PRRT4: variants seen among roughly 807,000 people sequenced by gnomAD.
PRRT4 encodes the protein proline rich transmembrane protein 4, also known as proline-rich transmembrane protein 4.
Under a neutral mutation model 55.6 loss-of-function variants are expected in PRRT4, and 59 were observed. That is an observed-to-expected ratio of 1.06 (90% CI 0.86 to 1.32). PRRT4 has a LOEUF of 1.32. PRRT4 is among the 40% of genes most tolerant of loss of function. The pLI, the probability that PRRT4 is intolerant of heterozygous loss-of-function variation, is 0.00. For missense variants in PRRT4, 1,217 were observed against 1,222.0 expected, an observed-to-expected ratio of 1.00 and a Z score of 0.06; for synonymous variants, 606 against 601.8, an observed-to-expected ratio of 1.01 and a Z score of -0.10.
At chr7:128,351,053 T>C (rs1796947943) in exon 5 of PRRT4, 1 of 1,549,080 alleles carries the variant, frequency 6.5e-7, no homozygotes, top group East Asian at 2.4e-5. Context: ...CGCGGGGGAC[T>C]GAGGACGCAG....
intron 4 of PRRT4, among the ~76,000 whole-genome samples, chr7:128,356,662 T>C (rs1316450055): frequency 1.3e-5 from 2 of 152,214 alleles, no homozygotes; most frequent in Non-Finnish European, 2.9e-5. Flanking sequence ...GAGATATCAA[T>C]GTGAATAACT....
intron 4 of PRRT4, among the ~76,000 whole-genome samples, chr7:128,357,289 T>C (rs1367163620): frequency 6.7e-6 from 1 of 149,706 alleles, no homozygotes; most frequent in East Asian, 2.0e-4. Flanking sequence ...GCAAGGCCCA[T>C]TGGCGTTCTC....
At chr7:128,359,015 T>C (rs1584687465) in intron 3 of PRRT4, 134 bp downstream of exon 4, 4 of 1,178,710 alleles carry the variant, frequency 3.4e-6, no homozygotes, top group East Asian at 5.1e-5. Context: ...TCCGTGGAAG[T>C]AGTAGCCCAT....
At position 128,358,562 on chromosome 7, in the gene PRRT4, AATG is replaced by A. The variant is rs1352553169; in HGVS notation, c.877+116_877+118del. 1.1e-6 allele frequency: 1 copy of A among 890,170 alleles called. No individual in the cohort carries two copies. Among genetic ancestry groups the A allele is most frequent in the Non-Finnish European group, 1.7e-6 (1 of 572,122 alleles). 55.1% of individuals were successfully genotyped at this position (890,170 alleles called of 1,614,324 possible). A position where few individuals can be genotyped will look rare whatever the true frequency, so the allele number is the denominator to read the frequency against. On this transcript the variant is annotated intron_variant, in intron 4 of 4. Coordinates refer to ENST00000535159, the Ensembl canonical transcript of PRRT4. The surrounding 1 kb of genome is among the most constrained non-coding windows in gnomAD (Gnocchi z 4.4). ...ATATCTCCACGGTGATGATGAAGAG[AATG>A]ATGATTATGATTATGATGACAATGA...
chr7:128,351,093 G>C, exon 5 of PRRT4: 1 of 1,548,746 alleles, frequency 6.5e-7, no homozygotes, highest in Non-Finnish European at 8.7e-7. Flanking sequence ...GCCTGTCGGG[G>C]CTGGAACACA....
Position 128,358,772 on chromosome 7 carries a change from G to T in PRRT4, c.786C>A (p.Pro262=), listed in dbSNP as rs556921658. Residue 262 remains proline, a synonymous_variant, in exon 4 of 5, where the codon CCC becomes CCA. Coordinates refer to ENST00000535159, the Ensembl canonical transcript of PRRT4. The surrounding 1 kb of genome is among the most constrained non-coding windows in gnomAD (Gnocchi z 4.4). ...AGAGCTTCCTCTCCAGGGAGTATGG[G>T]GGCAGGGACAGAGTGGTACCAAGGA... 38 of 1,550,594 alleles carry T rather than the reference G, an allele frequency of 2.5e-5. No individual in the cohort carries two copies. The highest frequency in any genetic ancestry group is 3.3e-5 in the Non-Finnish European group (38 of 1,146,542).
rs752531502 is a variant in PRRT4, at chr7:128,351,980, C to CCCG, written c.1573_1575dup (p.Arg525dup). On this transcript the variant is annotated inframe_insertion, in exon 5 of 5. Coordinates refer to ENST00000535159, the Ensembl canonical transcript of PRRT4. ...CCCGACCCTCCCAGGGGCGCCCCGG[C>CCCG]CCGCCGCCGCCGCCCGCCCCAGCAG... The CCCG allele has an allele frequency of 8.2e-5, 106 of 1,298,440 alleles. No individual in the cohort carries two copies. In the South Asian group the frequency reaches 1.0e-3, roughly 12 times the overall value. The allele number at this position is 1,298,440 out of a possible 1,614,324, so 80.4% of individuals were successfully genotyped here.
At chr7:128,350,851 C>T, downstream of PRRT4, 2 of 1,550,394 alleles carry the variant, frequency 1.3e-6, no homozygotes, top group Non-Finnish European at 1.7e-6. Context: ...AAGGTGGCCA[C>T]CTCTTCACAG....
chr7:128,354,573 AC>A (rs1478373297), intron 4 of PRRT4, among the ~76,000 whole-genome samples: 1 of 127,836 alleles, frequency 7.8e-6, no homozygotes, highest in Non-Finnish European at 1.6e-5. Context: ...CAAAAAAAAC[AC>A]ACACACACAC....
chr7:128,351,630 CG>C lies in PRRT4; in HGVS notation c.1925del (p.Pro642ArgfsTer249). On this transcript the variant is annotated frameshift_variant, in exon 5 of 5. Transcript: ENST00000535159. LOFTEE classifies it high-confidence loss of function. ...CCGGCAGCAGCGGAGCCGCGTGGCC[CG>C]GGGACAAGCGGAAGAGCTTGGCCCA... 1 of 1,513,890 alleles carries C rather than the reference CG, an allele frequency of 6.6e-7. No individual in the cohort carries two copies. 93.8% of individuals were successfully genotyped at this position (1,513,890 alleles called of 1,614,324 possible). A position where few individuals can be genotyped will look rare whatever the true frequency, so the allele number is the denominator to read the frequency against.
exon 5 of PRRT4, chr7:128,352,548 A>C (rs888354562): frequency 1.3e-6 from 2 of 1,544,366 alleles, no homozygotes; most frequent in Non-Finnish European, 1.7e-6. Context: ...GCGCCTCGGG[A>C]GGCTGCCCCT....
exon 2 of PRRT4, chr7:128,359,621 G>A (rs752145973): frequency 2.6e-6 from 4 of 1,534,316 alleles, no homozygotes; most frequent in South Asian, 1.2e-5. Flanking sequence ...CAGGGAGGAG[G>A]CCCGGGGCTT....
exon 5 of PRRT4, chr7:128,351,708 C>A: frequency 1.3e-6 from 2 of 1,491,714 alleles, no homozygotes; most frequent in Admixed American, 2.2e-5. Context: ...GGCCCAGCAG[C>A]GCCAACGGGA....
chr7:128,360,027 G>A, exon 2 of PRRT4: 1 of 1,301,200 alleles, frequency 7.7e-7, no homozygotes, highest in Non-Finnish European at 9.8e-7. Context: ...TGGTGGGCAG[G>A]GACTCAGTTG....
At chr7:128,361,890 C>A (rs893994233), upstream of PRRT4, among the ~76,000 whole-genome samples, 1 of 152,140 alleles carries the variant, frequency 6.6e-6, no homozygotes, top group South Asian at 2.1e-4. Context: ...CAATCAGCCG[C>A]GGCGGGCGCC....
chr7:128,359,904 G>A, exon 2 of PRRT4: 3 of 1,461,988 alleles, frequency 2.1e-6, no homozygotes, highest in Non-Finnish European at 9.1e-7. Context: ...GGGGCACCTG[G>A]GATGGAGGGG....
chr7:128,360,063 C>T, exon 2 of PRRT4: 2 of 1,232,052 alleles, frequency 1.6e-6, no homozygotes, highest in Non-Finnish European at 2.1e-6. Flanking sequence ...GGAGGAAGGT[C>T]CTGGAGAGAG....
At position 128,356,060 on chromosome 7, in the gene PRRT4, A is replaced by G. The variant is rs191422548; in HGVS notation, c.877+2621T>C. On this transcript the variant is annotated intron_variant, in intron 4 of 4. Transcript: ENST00000535159. Reference sequence around the variant, plus strand: ...CAGATCACAAGGTCAGGAGTTCCAGACCAGCCTGGCCAACATGGTGAAACC... The same window carrying G: ...CAGATCACAAGGTCAGGAGTTCCAGGCCAGCCTGGCCAACATGGTGAAACC... 3.5e-3 allele frequency among the ~76,000 whole-genome samples: 531 copies of G among 152,242 alleles called. 3 individuals carry two copies. The highest frequency in any genetic ancestry group is 0.012 in the African/African-American group (498 of 41,546).
chr7:128,352,137 C>T, exon 5 of PRRT4: 1 of 1,296,164 alleles, frequency 7.7e-7, no homozygotes, highest in Non-Finnish European at 9.7e-7. Context: ...GCCCCAGCCC[C>T]AGGAGCAGCA....
Sources: gnomAD v4.1 joint callset for allele counts (sites outside exome capture counted in the v4.1 genomes callset) on GRCh38, gnomAD v4.1.1 for gene constraint, Gnocchi (gnomAD v3.1) non-coding constraint, MANE v1.5 for transcripts, NCBI Gene and HGNC (gene_info 2026-07-23, HGNC 2026-07-21) for gene names.